CYP4V2: variants seen among roughly 807,000 people sequenced by gnomAD.
CYP4V2 encodes cytochrome P450 4V2.
A neutral mutation model predicts 60.8 loss-of-function variants in CYP4V2; 55 were observed. That is an observed-to-expected ratio of 0.90 (90% confidence interval 0.73 to 1.13). CYP4V2 has a LOEUF of 1.13. CYP4V2 is among the 50% of genes most tolerant of loss of function. The pLI, the probability that CYP4V2 is intolerant of heterozygous loss-of-function variation, is 0.00. For missense variants in CYP4V2, 675 were observed against 662.9 expected (o/e 1.02, Z -0.20); for synonymous variants, 239 against 236.8 (o/e 1.01, Z -0.08).
rs11730880 is a variant in CYP4V2 at position 186,201,050 on chromosome 4, C to T, written c.802-107C>T. On this transcript the variant is annotated intron_variant, in intron 6 of 10. Coordinates refer to ENST00000378802, the MANE Select transcript of CYP4V2 (RefSeq NM_207352.4). ...TATGTTGTCGAAATGTTGAAATAGG[C>T]TTAGAAAAATAAATGAAAGAAACTA... is the stretch of plus-strand genomic sequence containing the variant. 268,887 of 1,156,636 alleles carry T rather than the reference C, an allele frequency of 0.23. 34,349 individuals carry two copies. Among genetic ancestry groups the T allele is most frequent in the South Asian group, 0.45 (32,278 of 71,842 alleles). 71.6% of individuals were successfully genotyped at this position (1,156,636 alleles called of 1,614,324 possible). A position where few individuals can be genotyped will look rare whatever the true frequency, so the allele number is the denominator to read the frequency against.
chr4:186,203,597 G>C (rs901198721), intron 7 of CYP4V2: 1 of 152,244 alleles, frequency 6.6e-6, no homozygotes, highest in Admixed American at 6.5e-5. Flanking sequence ...AAATGAAATC[G>C]GAAGTTCAGC....
chr4:186,207,426 G>A (rs12508707), intron 8 of CYP4V2, among the ~76,000 whole-genome samples: 59,326 of 111,428 alleles, frequency 0.53, 13,684 homozygotes, highest in East Asian at 0.72. Flanking sequence ...AAAAAAAAAA[G>A]AAAGAAAGAA....
chr4:186,204,887 CTT>C (rs1047333268), intron 7 of CYP4V2: 4 of 416,288 alleles, frequency 9.6e-6, no homozygotes, highest in African/African-American at 2.0e-5. Context: ...GAAAATCAGA[CTT>C]TGTTCTGTTC....
intron 2 of CYP4V2, 46 bp downstream of exon 2, chr4:186,194,658 G>C (rs201905182): frequency 6.6e-7 from 1 of 1,511,354 alleles, no homozygotes; most frequent in African/African-American, 1.4e-5. Flanking sequence ...GTATCTGACA[G>C]TGTGAGAATC....
At position 186,210,568 on chromosome 4, in the gene CYP4V2, A is replaced by C. The variant is rs1178760499; in HGVS notation, c.1505A>C (p.Glu502Ala). The C allele has an allele frequency of 1.3e-5, 21 of 1,614,084 alleles. No homozygotes were observed. Among genetic ancestry groups the C allele is most frequent in the Non-Finnish European group, 1.5e-5 (18 of 1,180,046 alleles). Residue 502 changes from glutamate (E) to alanine (A), a missense_variant, in exon 11 of 11, where the codon GAA becomes GCA. Glu to Ala is a moderately radical substitution (Grantham distance 107, BLOSUM62 -1). Transcript: ENST00000378802. ...CAGAAAAGAGAAGAGCTTGGTCTAG[A>C]AGGACAGTTGATTCTTCGTCCAAGT... ...SNQKREELGL[E>A]GQLILRPSNG...
Position 186,196,056 on chromosome 4 carries a change from A to G in CYP4V2, c.381A>G (p.Leu127=), listed in dbSNP as rs774964019. 5.0e-6 allele frequency: 8 copies of G among 1,614,062 alleles called. No individual in the cohort carries two copies. Among genetic ancestry groups the G allele is most frequent in the East Asian group, 2.2e-5 (1 of 44,898 alleles). ...ACAAATCCTCTATGTACAAGTTTTT[A>G]GAACCATGGCTTGGCCTAGGACTTC... ...QIDKSSMYKF[L]EPWLGLGLLT... The change falls in exon 3 of 11, where the codon TTA becomes TTG. Residue 127 remains leucine (L), a synonymous_variant. Transcript: ENST00000378802.
intron 5 of CYP4V2, among the ~76,000 whole-genome samples, 158 bp downstream of exon 5, chr4:186,197,760 G>A (rs1162312421): frequency 6.6e-6 from 1 of 150,914 alleles, no homozygotes; most frequent in Non-Finnish European, 1.5e-5. Flanking sequence ...AAGCAGTAAA[G>A]GTTATGTAAA....
At chr4:186,208,163 C>A (rs537324036) in intron 8 of CYP4V2, among the ~76,000 whole-genome samples, 1 of 150,494 alleles carries the variant, frequency 6.6e-6, no homozygotes, top group African/African-American at 2.4e-5. Context: ...GTACCTTGAT[C>A]CACATGTTCT....
At chr4:186,199,743 T>C (rs892783697) in intron 6 of CYP4V2, among the ~76,000 whole-genome samples, 2 of 151,964 alleles carry the variant, frequency 1.3e-5, no homozygotes, top group Non-Finnish European at 2.9e-5. Flanking sequence ...AACCAGAAGA[T>C]AGTGATGTTG....
intron 6 of CYP4V2, 123 bp from the exon 7 acceptor site, chr4:186,201,034 G>A (rs544965394): frequency 4.0e-5 from 41 of 1,015,860 alleles, no homozygotes; most frequent in Non-Finnish European, 5.0e-5. Context: ...CTATGTTGTC[G>A]AAATGTTGAA....
intron 8 of CYP4V2, among the ~76,000 whole-genome samples, chr4:186,207,100 C>G (rs1736530258): frequency 6.6e-6 from 1 of 152,004 alleles, no homozygotes; most frequent in South Asian, 2.1e-4. Flanking sequence ...TACCCCCAAT[C>G]CTAGTTCTAG....
chr4:186,202,627 CACTT>C (rs1412924428), intron 7 of CYP4V2: 7 of 151,232 alleles, frequency 4.6e-5, no homozygotes, highest in East Asian at 1.9e-4. Context: ...CACATGCACA[CACTT>C]ACACACACAC....
chr4:186,196,968 A>G lies in CYP4V2; in HGVS notation c.442A>G (p.Lys148Glu). ...TGGAAACAAATGGCGCTCCAGGAGA[A>G]AGATGTTAACACCCACTTTCCATTT... ...STGNKWRSRRKMLTPTFHFTI... is the reference protein window; with the variant it reads ...STGNKWRSRREMLTPTFHFTI... The change falls in exon 4 of 11, where the codon AAG becomes GAG. Residue 148 changes from lysine to glutamate, a missense_variant. By Grantham distance (56) the Lys-to-Glu change is moderately conservative. Transcript: ENST00000378802. 6.2e-7 allele frequency: 1 copy of G among 1,613,488 alleles called. No individual in the cohort carries two copies. The highest frequency in any genetic ancestry group is 1.7e-5 in the Admixed American group (1 of 60,008).
In CYP4V2 at chr4:186,191,682, C is replaced by T; in HGVS notation, c.-142C>T. ...CGCCGCCCGGGCGGGAAACGTCGTT[C>T]CGGGGACCGGGCGACCCCGCAGCGG... On this transcript the variant is annotated 5_prime_UTR_variant, in exon 1 of 11. Coordinates refer to ENST00000378802, the MANE Select transcript of CYP4V2 (RefSeq NM_207352.4). The T allele has an allele frequency of 1.3e-6, 1 of 775,890 alleles. No individual in the cohort carries two copies. The highest frequency in any genetic ancestry group is 1.7e-6 in the Non-Finnish European group (1 of 579,708). 48.1% of individuals were successfully genotyped at this position (775,890 alleles called of 1,614,324 possible).
In CYP4V2 at chr4:186,212,712, G is replaced by A. The variant is rs551590551; in HGVS notation, c.*2071G>A. The A allele has an allele frequency of 8.0e-4, 122 of 152,300 alleles. No homozygotes were observed. Among genetic ancestry groups the A allele is most frequent in the African/African-American group, 2.6e-3 (106 of 41,560 alleles). The allele number at this position is 152,300 out of a possible 1,614,324, so 9.4% of individuals were successfully genotyped here. A position where few individuals can be genotyped will look rare whatever the true frequency, so the allele number is the denominator to read the frequency against. Reference sequence around the variant, plus strand: ...ATAGAAGCTTGCAATCAAGAGGGTAGGACATGTGTTCTTCAATGGATATCA... The same window carrying A: ...ATAGAAGCTTGCAATCAAGAGGGTAAGACATGTGTTCTTCAATGGATATCA... On this transcript the variant is annotated 3_prime_UTR_variant, in exon 11 of 11. Coordinates refer to ENST00000378802, the MANE Select transcript of CYP4V2 (RefSeq NM_207352.4).
chr4:186,205,050 C>A (rs1364670821), intron 7 of CYP4V2, 150 bp from the exon 8 acceptor site: 3 of 773,580 alleles, frequency 3.9e-6, no homozygotes, highest in Non-Finnish European at 4.4e-6. Context: ...TGTTTGTCAC[C>A]GAGGCAAGGT....
At chr4:186,200,855 C>A (rs7687961) in intron 6 of CYP4V2, among the ~76,000 whole-genome samples, 109,508 of 151,958 alleles carry the variant, frequency 0.72, 40,277 homozygotes, top group Non-Finnish European at 0.81. Context: ...TAGCGCAATC[C>A]AATCTCTAGG....
intron 1 of CYP4V2, chr4:186,192,298 C>T (rs939590572): frequency 1.5e-6 from 1 of 682,782 alleles, no homozygotes; most frequent in Non-Finnish European, 2.7e-6. Flanking sequence ...CTTTTCCCAC[C>T]TCACCGCTGC....
chr4:186,204,319 GC>G lies in CYP4V2; in HGVS notation c.988-880del, dbSNP rs1411939655. 2.2e-4 allele frequency: 34 copies of G among 154,040 alleles called. 1 individual carries two copies. Among genetic ancestry groups the G allele is most frequent in the South Asian group, 3.6e-4 (3 of 8,432 alleles). The allele number at this position is 154,040 out of a possible 1,614,324, so 9.5% of individuals were successfully genotyped here. A position where few individuals can be genotyped will look rare whatever the true frequency, so the allele number is the denominator to read the frequency against. On this transcript the variant is annotated intron_variant, in intron 7 of 10. Coordinates refer to ENST00000378802, the MANE Select transcript of CYP4V2 (RefSeq NM_207352.4). ...TGGCGTAAGAGGCGGCGGTGGAGAC[GC>G]TACGCTGGCGTAAGAGGCGGCGGTG...
Sources: gnomAD v4.1 joint callset for allele counts (sites outside exome capture counted in the v4.1 genomes callset) on GRCh38, gnomAD v4.1.1 for gene constraint, MANE v1.5 for transcripts, NCBI Gene and HGNC (gene_info 2026-07-23, HGNC 2026-07-21) for gene names.